The following ELAPOR1 variants were observed in gnomAD, a reference collection of about 807,000 sequenced individuals.
The protein encoded by ELAPOR1 is endosome-lysosome associated apoptosis and autophagy regulator 1, also known as endosome/lysosome-associated apoptosis and autophagy regulator 1.
A neutral mutation model predicts 119.7 loss-of-function variants in ELAPOR1; 77 were observed. The observed-to-expected ratio is 0.64, with a 90% confidence interval of 0.54 to 0.78. The LOEUF is 0.78. Ranked by LOEUF, ELAPOR1 falls within the 30% of genes least tolerant of loss-of-function variation. ELAPOR1 has a pLI of 0.00. For synonymous variants in ELAPOR1, 481 were observed against 487.2 expected, an observed-to-expected ratio of 0.99 and a Z score of 0.17; for missense variants, 1,115 against 1,270.4, an observed-to-expected ratio of 0.88 and a Z score of 1.86.
At chr1:109,149,143 C>T (rs1041856999) in intron 1 of ELAPOR1, among the ~76,000 whole-genome samples, 4 of 152,006 alleles carry the variant, frequency 2.6e-5, no homozygotes, top group South Asian at 2.1e-4. Flanking sequence ...GAAGAGGGCG[C>T]GTCGGGCAGG....
rs367759630 is a variant in ELAPOR1 at position 109,190,460 on chromosome 1, T to G, written c.1439+778T>G. Among the ~76,000 whole-genome samples, 20 of 152,370 alleles carry G rather than the reference T, an allele frequency of 1.3e-4. No individual in the cohort carries two copies. The East Asian group carries it at 3.9e-3, about 29-fold the overall frequency. On this transcript the variant is annotated intron_variant, in intron 11 of 21. Transcript: ENST00000369939. ...TTTCCAAGGCCAAAGTGAACTCTTC[T>G]GCCCATATGTGCTCTAAAGATAAGA...
At chr1:109,177,249 T>C (rs1464325231) in intron 7 of ELAPOR1, among the ~76,000 whole-genome samples, 2 of 132,530 alleles carry the variant, frequency 1.5e-5, no homozygotes, top group African/African-American at 6.2e-5. Flanking sequence ...CCCCCCCACC[T>C]CCCTCCCGGA....
In ELAPOR1 at chr1:109,200,182, T is replaced by C. The variant is rs752280708; in HGVS notation, c.2752T>C (p.Cys918Arg). Residue 918 changes from cysteine (C) to arginine (R), a missense_variant, in exon 20 of 22, where the codon TGT becomes CGT. Transcript: ENST00000369939. ...GAAAGTGGGCATCTCTGCAGGCACC[T>C]GTACTGCCATCCTGCTCACCGTCTT... ...WLKVGISAGTCTAILLTVLTC... is the reference protein window; with the variant it reads ...WLKVGISAGTRTAILLTVLTC... 3.1e-6 allele frequency: 5 copies of C among 1,614,236 alleles called. No homozygotes were observed. In the South Asian group the frequency reaches 5.5e-5, roughly 18 times the overall value.
intron 18 of ELAPOR1, among the ~76,000 whole-genome samples, chr1:109,199,020 T>G (rs1654001549): frequency 6.6e-6 from 1 of 152,206 alleles, no homozygotes; most frequent in Admixed American, 6.5e-5. Flanking sequence ...TTTTTCCATA[T>G]CTGTAAAAAT....
At chr1:109,199,711 A>C (rs1164088249) in intron 18 of ELAPOR1, 143 bp from the exon 19 acceptor site, 2 of 921,182 alleles carry the variant, frequency 2.2e-6, no homozygotes, top group Non-Finnish European at 3.2e-6. Context: ...TGTGTTAAGG[A>C]CTAGTTGGAA....
intron 1 of ELAPOR1, among the ~76,000 whole-genome samples, chr1:109,152,116 C>T (rs1187829954): frequency 6.6e-6 from 1 of 152,196 alleles, no homozygotes; most frequent in African/African-American, 2.4e-5. Context: ...TCAAGCAATC[C>T]TTCTGCCCTG....
intron 9 of ELAPOR1, 35 bp from the exon 10 acceptor site, chr1:109,189,031 C>T: frequency 1.9e-6 from 3 of 1,608,740 alleles, no homozygotes; most frequent in Non-Finnish European, 2.5e-6. Flanking sequence ...GCAGCCTTCC[C>T]ACTGAATGCA....
chr1:109,187,636 C>T, intron 8 of ELAPOR1: 1 of 1,002,098 alleles, frequency 1.0e-6, no homozygotes. Flanking sequence ...GTACCCAATG[C>T]AGGGGCCATG....
In ELAPOR1 at chr1:109,150,408, G is replaced by A. The variant is rs542009140; in HGVS notation, c.154-11486G>A. Reference sequence around the variant, plus strand: ...CCCCAGCACTGTGTTGCTAGGCGACGGTCCAGGGATTGAGGACGGCCAGCA... The same window carrying A: ...CCCCAGCACTGTGTTGCTAGGCGACAGTCCAGGGATTGAGGACGGCCAGCA... On this transcript the variant is annotated intron_variant, in intron 1 of 21. Coordinates refer to ENST00000369939, the MANE Select transcript of ELAPOR1 (RefSeq NM_020775.5). 6.6e-5 allele frequency among the ~76,000 whole-genome samples: 10 copies of A among 152,316 alleles called. No homozygotes were observed. The East Asian group carries it at 1.9e-3, about 29-fold the overall frequency.
intron 1 of ELAPOR1, among the ~76,000 whole-genome samples, chr1:109,124,258 T>A (rs2100966537): frequency 6.6e-6 from 1 of 151,762 alleles, no homozygotes; most frequent in East Asian, 2.0e-4. Context: ...TCTCACTATG[T>A]TGCCCAGGCT....
intron 1 of ELAPOR1, among the ~76,000 whole-genome samples, chr1:109,141,280 A>G (rs1384832906): frequency 6.6e-6 from 1 of 150,748 alleles, no homozygotes; most frequent in East Asian, 1.9e-4. Context: ...TTTTTTTTTG[A>G]GACTGTGTCT....
At chr1:109,168,007 C>G (rs1447833368) in intron 3 of ELAPOR1, among the ~76,000 whole-genome samples, 3 of 152,140 alleles carry the variant, frequency 2.0e-5, no homozygotes, top group African/African-American at 7.2e-5. Context: ...CTTCCCACAG[C>G]CTGCAGGGCC....
At position 109,191,821 on chromosome 1, in the gene ELAPOR1, G is replaced by A. The variant is rs764038930; in HGVS notation, c.1641G>A (p.Thr547=). Reference sequence around the variant, plus strand: ...ACATCATTGAGGAGAACACTACCACGAGCTTCACCTGGGCCTTCCAGAGGA... The same window carrying A: ...ACATCATTGAGGAGAACACTACCACAAGCTTCACCTGGGCCTTCCAGAGGA... The part of the protein sequence containing the change: ...YTYIIEENTT[T]SFTWAFQRTT... The change falls in exon 13 of 22, where the codon ACG becomes ACA. Residue 547 remains threonine (T), a synonymous_variant. Transcript: ENST00000369939. 29 of 1,614,062 alleles carry A rather than the reference G, an allele frequency of 1.8e-5. No homozygotes were observed. Among genetic ancestry groups the A allele is most frequent in the African/African-American group, 1.2e-4 (9 of 74,908 alleles).
At chr1:109,188,483 C>A in intron 9 of ELAPOR1, 129 bp downstream of exon 9, 1 of 1,075,772 alleles carries the variant, frequency 9.3e-7, no homozygotes, top group Non-Finnish European at 1.3e-6. Flanking sequence ...AAGGACCAGG[C>A]CACCTTTGAG....
intron 1 of ELAPOR1, among the ~76,000 whole-genome samples, chr1:109,126,008 C>T (rs1229273806): frequency 6.6e-6 from 1 of 152,332 alleles, no homozygotes; most frequent in African/African-American, 2.4e-5. Flanking sequence ...CACATTTCCC[C>T]ACTTAGGTGG....
chr1:109,198,764 AAAG>A (rs1427478662), intron 18 of ELAPOR1, 90 bp downstream of exon 18: 3 of 1,190,804 alleles, frequency 2.5e-6, no homozygotes, highest in Non-Finnish European at 3.6e-6. Context: ...AAAGAGCAAA[AAAG>A]AAAAGAGTTT....
chr1:109,197,525 G>A lies in ELAPOR1; in HGVS notation c.2173G>A (p.Glu725Lys). The change falls in exon 16 of 22, where the codon GAG becomes AAG. Residue 725 changes from glutamate (E) to lysine (K), a missense_variant. By Grantham distance (56) the Glu-to-Lys change is moderately conservative. Transcript: ENST00000369939. ...TDNVTDLRIP[E>K]GESGFSKSIT... ...CAATGTCACTGACCTCCGGATTCCT[G>A]AGGGTGAGTCAGGGTTCTCCAAATC... 6.2e-7 allele frequency: 1 copy of A among 1,614,196 alleles called. No homozygotes were observed. The highest frequency in any genetic ancestry group is 8.5e-7 in the Non-Finnish European group (1 of 1,180,028).
intron 7 of ELAPOR1, among the ~76,000 whole-genome samples, chr1:109,178,822 G>C (rs1270028889): frequency 2.6e-5 from 4 of 152,112 alleles, no homozygotes; most frequent in African/African-American, 4.8e-5. Context: ...AAAATTAGCT[G>C]GGTGTGGTGG....
At chr1:109,199,771 A>G in intron 18 of ELAPOR1, 83 bp from the exon 19 acceptor site, 1 of 1,528,340 alleles carries the variant, frequency 6.5e-7, no homozygotes, top group South Asian at 1.2e-5. Flanking sequence ...AAATCAGGCA[A>G]GCTATGAGAC....
Sources: allele counts gnomAD v4.1 joint callset (sites outside exome capture counted in the v4.1 genomes callset), GRCh38; gene constraint gnomAD v4.1.1; transcripts MANE v1.5; gene names NCBI Gene and HGNC (gene_info 2026-07-23, HGNC 2026-07-21).